IL1RAPL1: variants seen among roughly 807,000 people sequenced by gnomAD.
IL1RAPL1 encodes interleukin-1 receptor accessory protein-like 1.
IL1RAPL1 carries 3 observed loss-of-function variants against 48.4 expected under a neutral mutation model. The observed-to-expected ratio is 0.06, with a 90% confidence interval of 0.03 to 0.16. The LOEUF (loss-of-function observed/expected upper bound fraction) is 0.16. Among genes scored for constraint, IL1RAPL1 ranks in the 10% least tolerant of loss-of-function variants. The pLI is 1.00. For missense variants in IL1RAPL1, 349 were observed against 530.6 expected (o/e 0.66, Z 3.36); for synonymous variants, 185 against 187.7 (o/e 0.99, Z 0.12).
intron 5 of IL1RAPL1, among the ~76,000 whole-genome samples, chrX:29,593,972 T>A (rs1326066291): frequency 1.8e-5 from 2 of 112,304 alleles, no homozygotes; most frequent in Admixed American, 1.9e-4. Context: ...AATTTCCCTC[T>A]CTACTAATTT....
At chrX:29,006,629 T>C (rs1316398171) in intron 2 of IL1RAPL1, among the ~76,000 whole-genome samples, 2 of 100,221 alleles carry the variant, frequency 2.0e-5, no homozygotes, top group Non-Finnish European at 4.0e-5. Context: ...TTGCCCACAT[T>C]TGTGTGTGTT....
At chrX:29,572,666 G>T (rs752832268) in intron 5 of IL1RAPL1, among the ~76,000 whole-genome samples, 1 of 112,573 alleles carries the variant, frequency 8.9e-6, no homozygotes, top group East Asian at 2.8e-4. Flanking sequence ...TTTATGGAAT[G>T]ATGCCTGCTT....
chrX:29,846,639 G>A (rs1442117034), intron 6 of IL1RAPL1, among the ~76,000 whole-genome samples: 2 of 109,117 alleles, frequency 1.8e-5, no homozygotes, highest in African/African-American at 3.3e-5. Context: ...ATAATCAATG[G>A]AAGTTTCTTA....
intron 2 of IL1RAPL1, among the ~76,000 whole-genome samples, chrX:28,827,221 C>A (rs888302696): frequency 1.8e-5 from 2 of 110,712 alleles, no homozygotes; most frequent in Non-Finnish European, 3.8e-5. Flanking sequence ...TTTAAATAAT[C>A]TCCATTATTT....
At chrX:28,677,867 T>G (rs1361632897) in intron 1 of IL1RAPL1, among the ~76,000 whole-genome samples, 1 of 111,409 alleles carries the variant, frequency 9.0e-6, no homozygotes, top group Non-Finnish European at 1.9e-5. Context: ...GGATTATAGA[T>G]GTAAGCCACC....
chrX:29,124,289 G>C (rs1330501443), intron 2 of IL1RAPL1, among the ~76,000 whole-genome samples: 3 of 112,154 alleles, frequency 2.7e-5, no homozygotes, highest in Non-Finnish European at 5.6e-5. Flanking sequence ...GAAGGTACTA[G>C]AGCTCTATGT....
chrX:28,935,223 T>G (rs1360371156), intron 2 of IL1RAPL1, among the ~76,000 whole-genome samples: 1 of 111,164 alleles, frequency 9.0e-6, no homozygotes, highest in Non-Finnish European at 1.9e-5. Context: ...TGATCCTATG[T>G]TTTCTTGCAG....
chrX:29,364,775 T>C (rs990706960), intron 3 of IL1RAPL1, among the ~76,000 whole-genome samples: 3 of 110,558 alleles, frequency 2.7e-5, no homozygotes, highest in Non-Finnish European at 5.7e-5. Flanking sequence ...GTGCATAAGT[T>C]ATATGCAAAT....
intron 6 of IL1RAPL1, among the ~76,000 whole-genome samples, chrX:29,854,105 C>T (rs1465385325): frequency 8.9e-6 from 1 of 112,208 alleles, no homozygotes; most frequent in Non-Finnish European, 1.9e-5. Flanking sequence ...TCTGACTTCA[C>T]ATAAATTGCC....
intron 2 of IL1RAPL1, among the ~76,000 whole-genome samples, chrX:29,189,391 A>G (rs1930311488): frequency 8.9e-6 from 1 of 111,808 alleles, no homozygotes; most frequent in South Asian, 3.7e-4. Flanking sequence ...TTATAAAGAT[A>G]TCTAAATCAG....
intron 2 of IL1RAPL1, among the ~76,000 whole-genome samples, chrX:29,090,519 ACATTT>A (rs199958952): frequency 0.044 from 4,955 of 112,128 alleles, 111 homozygotes; most frequent in Middle Eastern, 0.091. Flanking sequence ...AGGAAAAAAG[ACATTT>A]TGGTTTTATT....
At position 29,309,907 on chromosome X, in the gene IL1RAPL1, A is replaced by G. The variant is rs1932684027; in HGVS notation, c.362+26690A>G. Among the ~76,000 whole-genome samples, 4 of 106,882 alleles carry G rather than the reference A, an allele frequency of 3.7e-5. No homozygotes were observed. In the Admixed American group the frequency reaches 4.0e-4, roughly 11 times the overall value. 92.8% of individuals were successfully genotyped at this position (106,882 alleles called of 115,157 possible). On this transcript the variant is annotated intron_variant, in intron 3 of 10. Transcript: ENST00000378993. ...TCAGGAGATGGAGACCATCCTGGCT[A>G]ACACGGTGAAACCCTGTCTCTACTA...
At chrX:29,003,865 G>A (rs1039041959) in intron 2 of IL1RAPL1, among the ~76,000 whole-genome samples, 4 of 112,213 alleles carry the variant, frequency 3.6e-5, no homozygotes, top group African/African-American at 1.3e-4. Flanking sequence ...ATTTAGGCTG[G>A]GTGTGGTGGC....
chrX:29,527,326 CT>C (rs61003668), intron 5 of IL1RAPL1, among the ~76,000 whole-genome samples: 16 of 25,569 alleles, frequency 6.3e-4, no homozygotes, highest in African/African-American at 2.6e-3. Flanking sequence ...GGGAAGGACT[CT>C]TTTTTTTTTT....
intron 6 of IL1RAPL1, among the ~76,000 whole-genome samples, chrX:29,756,495 C>T (rs1419606347): frequency 1.8e-5 from 2 of 111,115 alleles, no homozygotes; most frequent in Non-Finnish European, 3.8e-5. Context: ...TCACTGGAAC[C>T]TCTGCCTCCC....
At chrX:29,908,079 A>G (rs1288223070) in intron 6 of IL1RAPL1, among the ~76,000 whole-genome samples, 1 of 110,998 alleles carries the variant, frequency 9.0e-6, no homozygotes, top group African/African-American at 3.3e-5. Context: ...TTATTGCTAC[A>G]AATCATGTAG....
intron 3 of IL1RAPL1, among the ~76,000 whole-genome samples, chrX:29,338,780 A>G (rs954985711): frequency 9.0e-6 from 1 of 110,680 alleles, no homozygotes; most frequent in African/African-American, 3.3e-5. Flanking sequence ...TAACTTTATT[A>G]TCTGTGAGGC....
chrX:29,208,270 C>A (rs1930702027), intron 2 of IL1RAPL1, among the ~76,000 whole-genome samples: 1 of 111,553 alleles, frequency 9.0e-6, no homozygotes, highest in Admixed American at 9.6e-5. Context: ...ACAGATCAAA[C>A]CTCCAACAGA....
chrX:29,534,613 T>C (rs1474776310), intron 5 of IL1RAPL1, among the ~76,000 whole-genome samples: 1 of 111,343 alleles, frequency 9.0e-6, no homozygotes, highest in Admixed American at 9.5e-5. Flanking sequence ...GGCAGGAGGA[T>C]GGCTTGAGTT....
Sources: gnomAD v4.1 joint callset for allele counts (sites outside exome capture counted in the v4.1 genomes callset) on GRCh38, gnomAD v4.1.1 for gene constraint, MANE v1.5 for transcripts, NCBI Gene and HGNC (gene_info 2026-07-23, HGNC 2026-07-21) for gene names.